The following B3GALT1 variants were observed in gnomAD, a reference collection of about 807,000 sequenced individuals.
B3GALT1 encodes the protein UDP-Gal:betaGlcNAc beta 1,3-galactosyltransferase, polypeptide 1.
In B3GALT1, 10 loss-of-function variants were observed where a neutral mutation model predicts 23.2. The observed-to-expected ratio is 0.43, with a 90% confidence interval of 0.27 to 0.73. B3GALT1 has a LOEUF of 0.73. Ranked by LOEUF, B3GALT1 falls within the 30% of genes least tolerant of loss-of-function variation. B3GALT1 has a pLI of 0.21. For missense variants in B3GALT1, 299 were observed against 405.4 expected (o/e 0.74, Z 2.25); for synonymous variants, 156 against 141.5 (o/e 1.10, Z -0.73).
chr2:167,455,773 A>T (rs558047938), intron 1 of B3GALT1, among the ~76,000 whole-genome samples: 1 of 152,174 alleles, frequency 6.6e-6, no homozygotes, highest in African/African-American at 2.4e-5. Flanking sequence ...TAAGCCTCCC[A>T]TAGTGCTGGG....
rs527849501 is a variant in B3GALT1, at chr2:167,636,751, C to T, written c.-409-10158C>T. Among the ~76,000 whole-genome samples the T allele has an allele frequency of 4.2e-4, 64 of 152,112 alleles. No individual in the cohort carries two copies. In the Middle Eastern group the frequency reaches 0.014, roughly 32 times the overall value. On this transcript the variant is annotated intron_variant, in intron 2 of 4. Transcript: ENST00000392690. ...ATCACAAGAACAGAAAGCCAAACAC[C>T]GCATGTTCTCACTCATAAGTGGGAG... is the stretch of plus-strand genomic sequence containing the variant.
intron 1 of B3GALT1, among the ~76,000 whole-genome samples, chr2:167,380,088 AG>A (rs1697826242): frequency 6.6e-6 from 1 of 152,190 alleles, no homozygotes; most frequent in Non-Finnish European, 1.5e-5. Context: ...CAGGAAGAGT[AG>A]GGTGGCTCAG....
intron 2 of B3GALT1, among the ~76,000 whole-genome samples, chr2:167,571,244 A>G (rs962260275): frequency 6.6e-6 from 1 of 151,918 alleles, no homozygotes; most frequent in Non-Finnish European, 1.5e-5. Context: ...CTGCATTCAC[A>G]TTAAAGCATA....
At chr2:167,865,650 G>A (rs1205158320) in intron 4 of B3GALT1, among the ~76,000 whole-genome samples, 1 of 152,066 alleles carries the variant, frequency 6.6e-6, no homozygotes, top group Non-Finnish European at 1.5e-5. Flanking sequence ...AAATTAGCCA[G>A]GCGTGGTGGC....
intron 2 of B3GALT1, among the ~76,000 whole-genome samples, chr2:167,619,170 C>T (rs1574171589): frequency 6.6e-6 from 1 of 151,788 alleles, no homozygotes; most frequent in South Asian, 2.1e-4. Flanking sequence ...TGTATGCACT[C>T]CTAGATTTTT....
At chr2:167,605,585 C>A (rs1684949255) in intron 2 of B3GALT1, among the ~76,000 whole-genome samples, 2 of 152,132 alleles carry the variant, frequency 1.3e-5, no homozygotes, top group South Asian at 4.1e-4. Context: ...GTGTTCCCAG[C>A]ATGAGAATGA....
intron 1 of B3GALT1, among the ~76,000 whole-genome samples, chr2:167,435,983 GCACACA>G (rs149818630): frequency 0.066 from 9,221 of 139,168 alleles, 665 homozygotes; most frequent in African/African-American, 0.19. Flanking sequence ...ACACACACAC[GCACACA>G]CACACACGCA....
intron 1 of B3GALT1, among the ~76,000 whole-genome samples, chr2:167,437,529 T>G (rs1332315765): frequency 6.6e-6 from 1 of 152,158 alleles, no homozygotes; most frequent in East Asian, 1.9e-4. Flanking sequence ...AAACACCATG[T>G]AATTTTCTCA....
chr2:167,688,675 C>A (rs1686657542), intron 3 of B3GALT1, among the ~76,000 whole-genome samples: 1 of 151,854 alleles, frequency 6.6e-6, no homozygotes, highest in African/African-American at 2.4e-5. Context: ...ACAAAAAAAA[C>A]TAACATCTTT....
chr2:167,645,101 A>C (rs1298081393), intron 2 of B3GALT1, among the ~76,000 whole-genome samples: 1 of 152,150 alleles, frequency 6.6e-6, no homozygotes, highest in African/African-American at 2.4e-5. Flanking sequence ...CCCTCTTGTT[A>C]TCTTCAAAGC....
At chr2:167,328,627 T>G (rs1029477411) in intron 1 of B3GALT1, among the ~76,000 whole-genome samples, 1 of 152,120 alleles carries the variant, frequency 6.6e-6, no homozygotes, top group Admixed American at 6.5e-5. Context: ...AATGGTTTAT[T>G]AATTTTATCT....
At chr2:167,553,522 A>G (rs1245203559) in intron 2 of B3GALT1, among the ~76,000 whole-genome samples, 1 of 152,178 alleles carries the variant, frequency 6.6e-6, no homozygotes, top group Non-Finnish European at 1.5e-5. Context: ...CCAAGAAAAC[A>G]TGCAGAATCC....
intron 2 of B3GALT1, among the ~76,000 whole-genome samples, chr2:167,528,484 A>G (rs1157164541): frequency 6.6e-6 from 1 of 152,092 alleles, no homozygotes; most frequent in Non-Finnish European, 1.5e-5. Flanking sequence ...CTAGTTGGTG[A>G]GGGACCATGT....
Position 167,715,964 on chromosome 2 carries a change from C to T in B3GALT1, c.-352+68998C>T. 4.3e-6 allele frequency: 7 copies of T among 1,612,852 alleles called. 1 individual carries two copies. The South Asian group carries it at 6.6e-5, about 15-fold the overall frequency. ...GTTCGCATGGAAAACCATAAGGATT[C>T]GAATCTTGTCTCATACTCTCAGGTA... On this transcript the variant is annotated intron_variant, in intron 3 of 4. Transcript: ENST00000392690.
intron 2 of B3GALT1, among the ~76,000 whole-genome samples, chr2:167,512,446 G>T (rs891249126): frequency 2.1e-5 from 3 of 146,292 alleles, no homozygotes; most frequent in Non-Finnish European, 3.0e-5. Flanking sequence ...ACCCACTTTT[G>T]TTTATGTTAA....
chr2:167,639,256 T>C (rs1306253810), intron 2 of B3GALT1, among the ~76,000 whole-genome samples: 2 of 152,036 alleles, frequency 1.3e-5, no homozygotes, highest in Non-Finnish European at 2.9e-5. Context: ...TGGATCATTG[T>C]AAAATCCAGC....
chr2:167,604,024 A>G (rs574778484), intron 2 of B3GALT1, among the ~76,000 whole-genome samples: 1 of 152,332 alleles, frequency 6.6e-6, no homozygotes, highest in South Asian at 2.1e-4. Context: ...ATTGCCAGAA[A>G]AGAAATAATT....
chr2:167,734,945 A>C (rs900786153), intron 3 of B3GALT1, among the ~76,000 whole-genome samples: 1 of 152,044 alleles, frequency 6.6e-6, no homozygotes, highest in Non-Finnish European at 1.5e-5. Flanking sequence ...CCTCATTTTA[A>C]ATATGTTCAG....
chr2:167,643,690 C>T (rs376178657), intron 2 of B3GALT1, among the ~76,000 whole-genome samples: 14 of 152,314 alleles, frequency 9.2e-5, no homozygotes, highest in African/African-American at 3.4e-4. Context: ...AGAATTAACA[C>T]ATTCTTCCTA....
Sources: allele counts gnomAD v4.1 joint callset (sites outside exome capture counted in the v4.1 genomes callset), GRCh38; gene constraint gnomAD v4.1.1; transcripts MANE v1.5; gene names NCBI Gene and HGNC (gene_info 2026-07-23, HGNC 2026-07-21).